TMEFF1: variants seen among roughly 807,000 people sequenced by gnomAD.
TMEFF1 encodes the protein tomoregulin-1.
TMEFF1 carries 20 observed loss-of-function variants against 47.5 expected under a neutral mutation model. That is an observed-to-expected ratio of 0.42 (90% confidence interval 0.30 to 0.61). TMEFF1 has a LOEUF of 0.61. TMEFF1 is among the 20% of genes least tolerant of loss of function. The pLI is 0.19. For synonymous variants in TMEFF1, 162 were observed against 166.3 expected, an observed-to-expected ratio of 0.97 and a Z score of 0.20; for missense variants, 411 against 471.1, an observed-to-expected ratio of 0.87 and a Z score of 1.18.
intron 5 of TMEFF1, among the ~76,000 whole-genome samples, chr9:100,519,979 A>G (rs72735154): frequency 0.044 from 6,705 of 152,232 alleles, 333 homozygotes; most frequent in South Asian, 0.22. Context: ...ATTAAATGCA[A>G]TGTACTCTAA....
chr9:100,538,178 G>A (rs1008324641), intron 5 of TMEFF1, among the ~76,000 whole-genome samples: 7 of 151,872 alleles, frequency 4.6e-5, no homozygotes, highest in East Asian at 1.9e-4. Context: ...TCAGCCTCCC[G>A]AGTAGCTGGG....
chr9:100,488,707 G>A (rs989173556), intron 1 of TMEFF1, among the ~76,000 whole-genome samples: 1 of 152,168 alleles, frequency 6.6e-6, no homozygotes, highest in Non-Finnish European at 1.5e-5. Context: ...TGTAGATGAA[G>A]AAATGGAGGC....
At position 100,572,592 on chromosome 9, in the gene TMEFF1, A is replaced by T. The variant is rs1364682058; in HGVS notation, c.974A>T (p.Gln325Leu). ...FSILYVVPSR[Q>L]KLTHVLIAAI... ...ATTCTCTATGTAGTGCCAAGTAGGCAAAAGCTCACTCATGTTCTTATTGCA... is the reference window on the plus strand; with the variant it reads ...ATTCTCTATGTAGTGCCAAGTAGGCTAAAGCTCACTCATGTTCTTATTGCA... The change falls in exon 9 of 10, where the codon CAA becomes CTA. Residue 325 changes from glutamine to leucine, a missense_variant. Physicochemically the swap from Gln to Leu is moderately radical, Grantham distance 113. Coordinates refer to ENST00000374879, the MANE Select transcript of TMEFF1 (RefSeq NM_003692.5). The T allele has an allele frequency of 1.9e-6, 3 of 1,613,584 alleles. No homozygotes were observed. Among genetic ancestry groups the T allele is most frequent in the Non-Finnish European group, 2.5e-6 (3 of 1,179,780 alleles).
At chr9:100,513,644 GC>G (rs1838008726) in intron 4 of TMEFF1, among the ~76,000 whole-genome samples, 1 of 152,004 alleles carries the variant, frequency 6.6e-6, no homozygotes, top group Non-Finnish European at 1.5e-5. Flanking sequence ...CTTGTTTCTT[GC>G]ATTTTTCTCT....
chr9:100,562,009 G>T (rs896792084), intron 8 of TMEFF1, among the ~76,000 whole-genome samples: 1 of 152,150 alleles, frequency 6.6e-6, no homozygotes, highest in African/African-American at 2.4e-5. Flanking sequence ...ACTTGTTCAA[G>T]GTCAACAGCA....
intron 1 of TMEFF1, among the ~76,000 whole-genome samples, chr9:100,495,260 A>G (rs1415546996): frequency 6.6e-6 from 1 of 152,148 alleles, no homozygotes; most frequent in South Asian, 2.1e-4. Context: ...GTCTTTTACT[A>G]TTACTCATAT....
intron 7 of TMEFF1, among the ~76,000 whole-genome samples, chr9:100,554,250 C>T (rs1479571416): frequency 2.0e-5 from 3 of 152,098 alleles, no homozygotes; most frequent in Non-Finnish European, 2.9e-5. Context: ...CTTTTAAAAA[C>T]GATTTTGACA....
chr9:100,556,050 A>G lies in TMEFF1; in HGVS notation c.776-5347A>G, dbSNP rs78319021. On this transcript the variant is annotated intron_variant, in intron 7 of 9. Coordinates refer to ENST00000374879, the MANE Select transcript of TMEFF1 (RefSeq NM_003692.5). ...TCTTTTCTGCTTCCTTGCTTTCTTAATTACCTTCAGATATTTAATCCCCTC... is the reference window on the plus strand; with the variant it reads ...TCTTTTCTGCTTCCTTGCTTTCTTAGTTACCTTCAGATATTTAATCCCCTC... Among the ~76,000 whole-genome samples, 154 of 152,054 alleles carry G rather than the reference A, an allele frequency of 1.0e-3. 1 individual carries two copies. Among genetic ancestry groups the G allele is most frequent in the African/African-American group, 3.5e-3 (147 of 41,446 alleles).
At chr9:100,491,059 C>G (rs1837544527) in intron 1 of TMEFF1, among the ~76,000 whole-genome samples, 1 of 152,022 alleles carries the variant, frequency 6.6e-6, no homozygotes, top group South Asian at 2.1e-4. Flanking sequence ...TCTGCATTTT[C>G]ACTTTAACAT....
chr9:100,543,853 T>C (rs1023214086), intron 5 of TMEFF1, among the ~76,000 whole-genome samples: 2 of 152,160 alleles, frequency 1.3e-5, no homozygotes, highest in African/African-American at 4.8e-5. Flanking sequence ...CTTCTAGTCC[T>C]TGACCCCTTA....
At chr9:100,519,495 A>G (rs1452887486) in intron 5 of TMEFF1, among the ~76,000 whole-genome samples, 1 of 152,002 alleles carries the variant, frequency 6.6e-6, no homozygotes, top group Non-Finnish European at 1.5e-5. Flanking sequence ...ATTGACGACT[A>G]AAGTCAGAGG....
intron 1 of TMEFF1, among the ~76,000 whole-genome samples, chr9:100,495,556 A>G (rs939442887): frequency 6.6e-6 from 1 of 151,988 alleles, no homozygotes; most frequent in African/African-American, 2.4e-5. Flanking sequence ...ATCCCGTTAC[A>G]TTTTTTTCCT....
At chr9:100,506,635 C>T (rs1243071957) in intron 2 of TMEFF1, among the ~76,000 whole-genome samples, 2 of 151,510 alleles carry the variant, frequency 1.3e-5, no homozygotes, top group Middle Eastern at 3.2e-3. Flanking sequence ...GACGTGGTGG[C>T]GGGCGCCTGT....
chr9:100,561,568 G>T, intron 8 of TMEFF1, 48 bp downstream of exon 8: 1 of 1,582,114 alleles, frequency 6.3e-7, no homozygotes, highest in Non-Finnish European at 8.6e-7. Context: ...TTTCATCAAT[G>T]GTTGTTGCTC....
intron 1 of TMEFF1, among the ~76,000 whole-genome samples, chr9:100,480,625 A>G (rs768852252): frequency 2.4e-4 from 37 of 152,294 alleles, no homozygotes; most frequent in Non-Finnish European, 4.0e-4. Flanking sequence ...AGGAAAATGG[A>G]CATTGTAGAT....
chr9:100,473,998 TGGGGCC>T lies in TMEFF1; in HGVS notation c.196+273_196+278del, dbSNP rs576612463. The stretch of plus-strand genomic sequence containing the variant: ...GGCGGCCCGGCGTGTGGGGAGGCGG[TGGGGCC>T]GGGGCCGGGGCCGGCGAGGCTGAGC... On this transcript the variant is annotated intron_variant, in intron 1 of 9. Coordinates refer to ENST00000374879, the MANE Select transcript of TMEFF1 (RefSeq NM_003692.5). This position sits in a 1 kb window ranked among gnomAD's most constrained non-coding sequence, Gnocchi z 5.4. Among the ~76,000 whole-genome samples the T allele has an allele frequency of 0.022, 3,276 of 148,230 alleles. 99 individuals carry two copies. The highest frequency in any genetic ancestry group is 0.077 in the African/African-American group (3,094 of 40,012).
At chr9:100,560,648 C>G (rs1838998553) in intron 7 of TMEFF1, among the ~76,000 whole-genome samples, 1 of 152,182 alleles carries the variant, frequency 6.6e-6, no homozygotes, top group Admixed American at 6.5e-5. Flanking sequence ...TGTTCCATCT[C>G]TCCTTCCTGA....
intron 2 of TMEFF1, among the ~76,000 whole-genome samples, chr9:100,508,692 A>G (rs774292368): frequency 2.6e-5 from 4 of 151,944 alleles, no homozygotes; most frequent in Non-Finnish European, 4.4e-5. Flanking sequence ...ATAAAATGCT[A>G]TTACATAAGT....
intron 5 of TMEFF1, among the ~76,000 whole-genome samples, chr9:100,527,580 G>A (rs187320209): frequency 2.4e-4 from 37 of 152,214 alleles, no homozygotes; most frequent in African/African-American, 7.2e-4. Flanking sequence ...CACCTGGCTC[G>A]GGGGGTCCTA....
Sources: gnomAD v4.1 joint callset for allele counts (sites outside exome capture counted in the v4.1 genomes callset) on GRCh38, gnomAD v4.1.1 for gene constraint, Gnocchi (gnomAD v3.1) non-coding constraint, MANE v1.5 for transcripts, NCBI Gene and HGNC (gene_info 2026-07-23, HGNC 2026-07-21) for gene names.